LRRC28: variants seen among roughly 807,000 people sequenced by gnomAD.
LRRC28 encodes leucine rich repeat containing 28, also known as leucine-rich repeat-containing protein 28.
In LRRC28, 39 loss-of-function variants were observed where a neutral mutation model predicts 45.7. The ratio of observed to expected loss-of-function variants is 0.85; its 90% CI spans 0.66 to 1.12. LRRC28 has a LOEUF of 1.12. Ranked by LOEUF, LRRC28 falls within the 50% of genes most tolerant of loss-of-function variation. The pLI, the probability that LRRC28 is intolerant of heterozygous loss-of-function variation, is 0.00. For missense variants in LRRC28, 435 were observed against 438.5 expected, an observed-to-expected ratio of 0.99 and a Z score of 0.07; for synonymous variants, 206 against 178.8, an observed-to-expected ratio of 1.15 and a Z score of -1.22.
intron 5 of LRRC28, among the ~76,000 whole-genome samples, chr15:99,316,498 CA>C (rs1955598950): frequency 6.6e-6 from 1 of 152,008 alleles, no homozygotes; most frequent in Non-Finnish European, 1.5e-5. Flanking sequence ...TAAGGAAAGT[CA>C]TTTTTTTGGT....
In LRRC28 at chr15:99,389,622, C is replaced by G. The variant is rs1958125528; in HGVS notation, c.*3520C>G. On this transcript the variant is annotated 3_prime_UTR_variant, in exon 10 of 10. Transcript: ENST00000301981. Reference sequence around the variant, plus strand: ...CATTTCACAGACTCATAAACACACTCTCTTTAAGACTCTTCTTTAAATGGA... The same window carrying G: ...CATTTCACAGACTCATAAACACACTGTCTTTAAGACTCTTCTTTAAATGGA... 6.6e-6 allele frequency: 1 copy of G among 152,152 alleles called. No individual in the cohort carries two copies. Among genetic ancestry groups the G allele is most frequent in the Non-Finnish European group, 1.5e-5 (1 of 68,036 alleles). The allele number at this position is 152,152 out of a possible 1,614,324, so 9.4% of individuals were successfully genotyped here. A position where few individuals can be genotyped will look rare whatever the true frequency, so the allele number is the denominator to read the frequency against.
rs145358831 is a variant in LRRC28, at chr15:99,312,541, C to T, written c.386-21382C>T. Among the ~76,000 whole-genome samples the T allele has an allele frequency of 1.6e-4, 24 of 152,218 alleles. No individual in the cohort carries two copies. The East Asian group carries it at 2.3e-3, about 15-fold the overall frequency. ...ACAATTAATTTTTTTTATAAGTAGA[C>T]GGAGTACACTCTAAAATAAAAAGTA... On this transcript the variant is annotated intron_variant, in intron 5 of 9. Coordinates refer to ENST00000301981, the MANE Select transcript of LRRC28 (RefSeq NM_144598.5).
chr15:99,345,034 A>C (rs1956635529), intron 6 of LRRC28, among the ~76,000 whole-genome samples: 2 of 152,240 alleles, frequency 1.3e-5, no homozygotes, highest in South Asian at 4.1e-4. Context: ...AGTAACTGCC[A>C]TATATTGGAG....
rs958341682 is a variant in LRRC28, at chr15:99,389,051, A to G, written c.*2949A>G. 1.3e-5 allele frequency: 2 copies of G among 152,234 alleles called. No homozygotes were observed. Among genetic ancestry groups the G allele is most frequent in the Non-Finnish European group, 2.9e-5 (2 of 68,048 alleles). 9.4% of individuals were successfully genotyped at this position (152,234 alleles called of 1,614,324 possible). ...CACATTCTTAAAATACATAATAATT[A>G]AATGATCCCTATTCAAAAGAACCCT... is the stretch of plus-strand genomic sequence containing the variant. On this transcript the variant is annotated 3_prime_UTR_variant, in exon 10 of 10. Coordinates refer to ENST00000301981, the MANE Select transcript of LRRC28 (RefSeq NM_144598.5).
chr15:99,338,388 T>C (rs1471805203), intron 6 of LRRC28: 1 of 152,412 alleles, frequency 6.6e-6, no homozygotes, highest in Non-Finnish European at 1.5e-5. Context: ...CTGCCTTTTT[T>C]TAGAGAACTG....
At chr15:99,258,935 GGTCT>G in intron 2 of LRRC28, 2 of 730,066 alleles carry the variant, frequency 2.7e-6, no homozygotes, top group South Asian at 2.7e-5. Flanking sequence ...GGACTCAGGT[GGTCT>G]GTCTTTGAAT....
At chr15:99,321,878 T>C (rs1322068153) in intron 5 of LRRC28, among the ~76,000 whole-genome samples, 1 of 152,146 alleles carries the variant, frequency 6.6e-6, no homozygotes, top group Admixed American at 6.6e-5. Flanking sequence ...TGGTTTGACA[T>C]GTAAATAAAT....
intron 2 of LRRC28, among the ~76,000 whole-genome samples, chr15:99,264,919 T>G (rs1432701467): frequency 2.0e-5 from 3 of 152,176 alleles, no homozygotes; most frequent in Admixed American, 1.3e-4. Flanking sequence ...AATATATCCT[T>G]TCCTCCTTTG....
At chr15:99,362,419 A>T (rs74033474) in intron 8 of LRRC28, among the ~76,000 whole-genome samples, 3,812 of 152,310 alleles carry the variant, frequency 0.025, 167 homozygotes, top group African/African-American at 0.087. Context: ...TCACCTCAGC[A>T]TGACCATGCC....
At chr15:99,257,662 G>T (rs1181571064) in intron 2 of LRRC28, 1 of 735,908 alleles carries the variant, frequency 1.4e-6, no homozygotes, top group Non-Finnish European at 2.6e-6. Flanking sequence ...GGCCTCTGCT[G>T]CGTCCTGCTG....
At chr15:99,298,927 T>TC (rs2082330930) in intron 5 of LRRC28, among the ~76,000 whole-genome samples, 1 of 152,204 alleles carries the variant, frequency 6.6e-6, no homozygotes, top group South Asian at 2.1e-4. Flanking sequence ...CAGGCTGGTC[T>TC]CCAACTCCTG....
intron 5 of LRRC28, among the ~76,000 whole-genome samples, chr15:99,313,515 A>G (rs1410732531): frequency 6.6e-6 from 1 of 152,140 alleles, no homozygotes; most frequent in African/African-American, 2.4e-5. Flanking sequence ...CACATAGAAC[A>G]TTCTTCAGGA....
At position 99,273,428 on chromosome 15, in the gene LRRC28, A is replaced by G. The variant is rs180780193; in HGVS notation, c.169-3148A>G. On this transcript the variant is annotated intron_variant, in intron 2 of 9. Coordinates refer to ENST00000301981, the MANE Select transcript of LRRC28 (RefSeq NM_144598.5). ...ATTTTTTGTATTTTTTAGTAGAGACAGGGTTTCACCGTGTTAGACAGGATG... is the reference window on the plus strand; with the variant it reads ...ATTTTTTGTATTTTTTAGTAGAGACGGGGTTTCACCGTGTTAGACAGGATG... Among the ~76,000 whole-genome samples, 1,229 of 152,114 alleles carry G rather than the reference A, an allele frequency of 8.1e-3. 22 individuals are homozygous for G. Among genetic ancestry groups the G allele is most frequent in the South Asian group, 0.052 (252 of 4,810 alleles).
chr15:99,341,766 C>T (rs938475307), intron 6 of LRRC28, among the ~76,000 whole-genome samples: 16 of 152,080 alleles, frequency 1.1e-4, no homozygotes, highest in Non-Finnish European at 2.2e-4. Context: ...GAATGTTTAC[C>T]AGGAGAGTTT....
At chr15:99,290,622 A>T (rs570418561) in intron 5 of LRRC28, among the ~76,000 whole-genome samples, 1 of 152,164 alleles carries the variant, frequency 6.6e-6, no homozygotes, top group Non-Finnish European at 1.5e-5. Context: ...TGTATTTATG[A>T]ACTTTTTTTT....
In LRRC28 at chr15:99,255,922, T is replaced by C. The variant is rs374293287; in HGVS notation, c.-36T>C. On this transcript the variant is annotated 5_prime_UTR_variant, in exon 2 of 10. Coordinates refer to ENST00000301981, the MANE Select transcript of LRRC28 (RefSeq NM_144598.5). ...GAAATGGACCAATTTTGACAAGATA[T>C]AGTGCTGCAGCGTGCCTGATGGGAT... 1.2e-5 allele frequency: 19 copies of C among 1,579,274 alleles called. No individual in the cohort carries two copies. Among genetic ancestry groups the C allele is most frequent in the African/African-American group, 4.1e-5 (3 of 73,356 alleles).
chr15:99,255,908 A>C lies in LRRC28; in HGVS notation c.-50A>C, dbSNP rs749489258. 114 of 1,534,080 alleles carry C rather than the reference A, an allele frequency of 7.4e-5. 2 individuals are homozygous for C. In the South Asian group the frequency reaches 1.2e-3, roughly 16 times the overall value. ...TCGTTCTCTTTATAGAAATGGACCAATTTTGACAAGATATAGTGCTGCAGC... is the reference window on the plus strand; with the variant it reads ...TCGTTCTCTTTATAGAAATGGACCACTTTTGACAAGATATAGTGCTGCAGC... On this transcript the variant is annotated 5_prime_UTR_variant, in exon 2 of 10. Transcript: ENST00000301981.
chr15:99,279,673 A>G (rs981675612), intron 3 of LRRC28, among the ~76,000 whole-genome samples: 6 of 152,188 alleles, frequency 3.9e-5, no homozygotes, highest in Non-Finnish European at 8.8e-5. Context: ...CGAAAATACC[A>G]TGAAGCCTAC....
chr15:99,306,247 C>T (rs988718498), intron 5 of LRRC28, among the ~76,000 whole-genome samples: 8 of 152,276 alleles, frequency 5.3e-5, no homozygotes, highest in South Asian at 4.1e-4. Context: ...AAACTGTGCA[C>T]GACTGGGCAG....
Sources: gnomAD v4.1 joint callset for allele counts (sites outside exome capture counted in the v4.1 genomes callset) on GRCh38, gnomAD v4.1.1 for gene constraint, MANE v1.5 for transcripts, NCBI Gene and HGNC (gene_info 2026-07-23, HGNC 2026-07-21) for gene names.